Variants in HK1 observed in about 807,000 individuals in gnomAD.
The protein encoded by HK1 is hexokinase 1, also known as hexokinase-1.
Under a neutral mutation model 91.6 loss-of-function variants are expected in HK1, and 28 were observed. That is an observed-to-expected ratio of 0.31 (90% CI 0.23 to 0.42). The LOEUF (loss-of-function observed/expected upper bound fraction) is 0.42, where lower values mean the gene tolerates loss of function less well. HK1 is among the 10% of genes least tolerant of loss of function. HK1 has a pLI of 1.00. For missense variants in HK1, 770 were observed against 1,219.8 expected (o/e 0.63, Z 5.49); for synonymous variants, 430 against 468.1 (o/e 0.92, Z 1.05).
At chr10:69,388,150 G>A (rs1242875125) in intron 13 of HK1, among the ~76,000 whole-genome samples, 2 of 152,118 alleles carry the variant, frequency 1.3e-5, no homozygotes, top group Admixed American at 6.5e-5. Context: ...ATATAGCTGC[G>A]GGTTGGGTGC....
chr10:69,273,607 C>T (rs1252556400), intron 1 of HK1, among the ~76,000 whole-genome samples: 1 of 152,252 alleles, frequency 6.6e-6, no homozygotes, highest in Non-Finnish European at 1.5e-5. Context: ...CTGTCTTGGC[C>T]TCCCAAAGCG....
At position 69,401,194 on chromosome 10, in the gene HK1, C is replaced by T; in HGVS notation, c.*59C>T. On this transcript the variant is annotated 3_prime_UTR_variant, in exon 18 of 18. Transcript: ENST00000359426. Reference sequence around the variant, plus strand: ...CACTTCTCTCTTCAAGCGGCGACCCCCTACCCTCCCAGCGAGTTGCGCTGG... The same window carrying T: ...CACTTCTCTCTTCAAGCGGCGACCCTCTACCCTCCCAGCGAGTTGCGCTGG... 1.9e-6 allele frequency: 3 copies of T among 1,567,978 alleles called. No individual in the cohort carries two copies. In the South Asian group the frequency reaches 3.4e-5, roughly 18 times the overall value.
chr10:69,296,033 C>T (rs7893994), intron 4 of HK1, among the ~76,000 whole-genome samples: 18,455 of 152,152 alleles, frequency 0.12, 1,747 homozygotes, highest in East Asian at 0.46. Flanking sequence ...TCTCCCCTCC[C>T]GTCTTTTCCA....
intron 1 of HK1, among the ~76,000 whole-genome samples, chr10:69,341,654 G>C (rs771124439): frequency 2.6e-5 from 4 of 151,678 alleles, no homozygotes; most frequent in African/African-American, 7.3e-5. Flanking sequence ...GTAGAGACAG[G>C]GTTGTTGCCC....
chr10:69,368,387 G>C lies in HK1; in HGVS notation c.496-149G>C, dbSNP rs1589550429. On this transcript the variant is annotated intron_variant, in intron 4 of 17. Coordinates refer to ENST00000359426, the MANE Select transcript of HK1 (RefSeq NM_000188.3). ...ATGATCGGGAGATGGAAATGAGTCTGGGCCCCTCCCCAAGCCCAGTGTGAT... is the reference window on the plus strand; with the variant it reads ...ATGATCGGGAGATGGAAATGAGTCTCGGCCCCTCCCCAAGCCCAGTGTGAT... 8 of 700,758 alleles carry C rather than the reference G, an allele frequency of 1.1e-5. No homozygotes were observed. The East Asian group carries it at 1.9e-4, about 17-fold the overall frequency. The allele number at this position is 700,758 out of a possible 1,614,324, so 43.4% of individuals were successfully genotyped here.
At chr10:69,280,085 A>G (rs559700362) in intron 1 of HK1, among the ~76,000 whole-genome samples, 1 of 152,088 alleles carries the variant, frequency 6.6e-6, no homozygotes, top group South Asian at 2.1e-4. Flanking sequence ...ATGGAGGTAG[A>G]TTGCATCTCA....
chr10:69,395,977 T>C (rs1419849238), intron 16 of HK1, among the ~76,000 whole-genome samples: 1 of 152,086 alleles, frequency 6.6e-6, no homozygotes, highest in Non-Finnish European at 1.5e-5. Flanking sequence ...TAACCTAACG[T>C]AGGCTCTGTG....
At chr10:69,274,587 C>T (rs1213933387) in intron 1 of HK1, among the ~76,000 whole-genome samples, 1 of 139,498 alleles carries the variant, frequency 7.2e-6, no homozygotes, top group Non-Finnish European at 1.5e-5. Context: ...AAAACTCTGT[C>T]TCAAAAAAAA....
At chr10:69,389,343 G>T (rs1171045788) in intron 14 of HK1, 47 bp downstream of exon 14, 2 of 1,419,216 alleles carry the variant, frequency 1.4e-6, no homozygotes, top group Non-Finnish European at 2.0e-6. Flanking sequence ...GAAGGCTGGG[G>T]TTTCCCCGTT....
intron 1 of HK1, among the ~76,000 whole-genome samples, chr10:69,342,277 G>A (rs534352215): frequency 2.0e-5 from 3 of 152,310 alleles, no homozygotes; most frequent in East Asian, 3.9e-4. Context: ...AGCCTTCTGT[G>A]TGCAAGGCTC....
At chr10:69,350,636 C>T (rs540825208) in intron 2 of HK1, among the ~76,000 whole-genome samples, 31 of 151,126 alleles carry the variant, frequency 2.1e-4, no homozygotes, top group South Asian at 8.4e-4. Flanking sequence ...CACTCCAGCC[C>T]GGGCAACAGT....
chr10:69,376,273 C>T (rs1269814351), intron 7 of HK1, among the ~76,000 whole-genome samples: 2 of 152,246 alleles, frequency 1.3e-5, no homozygotes, highest in East Asian at 3.9e-4. Flanking sequence ...AAGCCAGGTG[C>T]TGTAGCTTGC....
rs1027843382 is a variant in HK1 at position 69,380,761 on chromosome 10, C to T, written c.1265+666C>T. ...GCCCCAGCCAGTCCTCATGCCATCT[C>T]ACCTTAGTTTTAGAAGCCATGTTGT... On this transcript the variant is annotated intron_variant, in intron 9 of 17. Transcript: ENST00000359426. This position sits in a 1 kb window ranked among gnomAD's most constrained non-coding sequence, Gnocchi z 4.0. 3.3e-5 allele frequency among the ~76,000 whole-genome samples: 5 copies of T among 152,332 alleles called. No individual in the cohort carries two copies. Among genetic ancestry groups the T allele is most frequent in the Non-Finnish European group, 2.9e-5 (2 of 68,034 alleles).
At position 69,294,584 on chromosome 10, in the gene HK1, C is replaced by T. The variant is rs193069655; in HGVS notation, c.-114-1049C>T. Among the ~76,000 whole-genome samples the T allele has an allele frequency of 7.6e-4, 115 of 152,192 alleles. 1 individual carries two copies. The highest frequency in any genetic ancestry group is 1.6e-3 in the Admixed American group (25 of 15,286). Reference sequence around the variant, plus strand: ...AAAAACTAAAAAATGTGGCCAGGCACGGTGCCTCACACTTGTAATCCCAGC... The same window carrying T: ...AAAAACTAAAAAATGTGGCCAGGCATGGTGCCTCACACTTGTAATCCCAGC... On this transcript the variant is annotated intron_variant, in intron 3 of 21. Coordinates refer to the HK1 transcript ENST00000360289.
intron 10 of HK1, 117 bp from the exon 11 acceptor site, chr10:69,384,216 C>T: frequency 8.0e-7 from 1 of 1,243,394 alleles, no homozygotes; most frequent in South Asian, 1.2e-5. Flanking sequence ...GGAGTTGCAG[C>T]TTCTCCTCTA....
chr10:69,371,893 T>C (rs536939652), intron 7 of HK1, among the ~76,000 whole-genome samples: 10 of 152,140 alleles, frequency 6.6e-5, no homozygotes, highest in Non-Finnish European at 1.5e-4. Flanking sequence ...GATGAGAAAG[T>C]GAAAGGTTGG....
intron 2 of HK1, chr10:69,288,571 G>C: frequency 1.4e-6 from 1 of 728,890 alleles, no homozygotes; most frequent in Non-Finnish European, 2.5e-6. Context: ...ACTATGTCTT[G>C]GTTCTCAGTA....
chr10:69,297,591 AGCTTTAGAATT>A (rs1430180478), intron 4 of HK1, among the ~76,000 whole-genome samples: 2 of 152,112 alleles, frequency 1.3e-5, no homozygotes, highest in Non-Finnish European at 2.9e-5. Context: ...GAAGCATCGC[AGCTTTAGAATT>A]GCTTGGTTGA....
intron 2 of HK1, among the ~76,000 whole-genome samples, chr10:69,356,880 C>T (rs1376192533): frequency 1.3e-5 from 1 of 76,264 alleles, no homozygotes; most frequent in African/African-American, 8.2e-5. Context: ...GAAACTCCAT[C>T]TCAAAAAAAA....
Sources: gnomAD v4.1 joint callset for allele counts (sites outside exome capture counted in the v4.1 genomes callset) on GRCh38, gnomAD v4.1.1 for gene constraint, Gnocchi (gnomAD v3.1) non-coding constraint, MANE v1.5 for transcripts, NCBI Gene and HGNC (gene_info 2026-07-23, HGNC 2026-07-21) for gene names.